Variants in PCDHGA3 observed in about 807,000 individuals in gnomAD.
PCDHGA3 encodes the protein protocadherin gamma subfamily A, 3, also known as protocadherin gamma-A3.
PCDHGA3 carries 40 observed loss-of-function variants against 58.5 expected under a neutral mutation model. The ratio of observed to expected loss-of-function variants is 0.68; its 90% confidence interval spans 0.53 to 0.89. The LOEUF is 0.89. PCDHGA3 is among the 40% of genes least tolerant of loss of function. PCDHGA3 has a pLI of 0.00. For missense variants in PCDHGA3, 1,223 were observed against 1,195.9 expected (o/e 1.02, Z -0.33); for synonymous variants, 530 against 525.7 (o/e 1.01, Z -0.11).
chr5:141,495,430 C>T (rs1189953474), intron 2 of PCDHGA3, among the ~76,000 whole-genome samples: 3 of 152,220 alleles, frequency 2.0e-5, no homozygotes, highest in Admixed American at 2.0e-4. Context: ...TCCCACTGTC[C>T]TCTGCCCCTA....
At chr5:141,399,798 G>C in intron 1 of PCDHGA3, 1 of 1,613,236 alleles carries the variant, frequency 6.2e-7, no homozygotes, top group Non-Finnish European at 8.5e-7. Flanking sequence ...ACGCACCGCG[G>C]GTGCTGTACC....
intron 1 of PCDHGA3, among the ~76,000 whole-genome samples, chr5:141,455,410 G>A (rs1332059386): frequency 6.6e-6 from 1 of 152,130 alleles, no homozygotes; most frequent in Non-Finnish European, 1.5e-5. Context: ...CAGAGACAGA[G>A]GGAGCGGGGC....
At chr5:141,357,087 A>C in intron 1 of PCDHGA3, 1 of 1,613,882 alleles carries the variant, frequency 6.2e-7, no homozygotes, top group Non-Finnish European at 8.5e-7. Flanking sequence ...TGCGCACCGC[A>C]CGGGCCCTGC....
At chr5:141,361,631 G>T (rs534427524) in intron 1 of PCDHGA3, 1 of 1,613,902 alleles carries the variant, frequency 6.2e-7, no homozygotes, top group Non-Finnish European at 8.5e-7. Context: ...CTGAAGCCGC[G>T]GGAGATTTTA....
chr5:141,389,990 C>CTCA (rs1156236363), intron 1 of PCDHGA3: 4 of 1,614,044 alleles, frequency 2.5e-6, no homozygotes, highest in Non-Finnish European at 2.5e-6. Flanking sequence ...TGCTCTTCCT[C>CTCA]GTGGCCATGA....
At chr5:141,413,151 T>C (rs1192899612) in intron 1 of PCDHGA3, 5 of 1,573,560 alleles carry the variant, frequency 3.2e-6, no homozygotes, top group South Asian at 1.2e-5. Context: ...GTGAGGACTT[T>C]GCAGAATTCT....
intron 1 of PCDHGA3, chr5:141,389,158 G>C (rs774342496): frequency 5.6e-6 from 9 of 1,613,968 alleles, no homozygotes; most frequent in Non-Finnish European, 7.6e-6. Context: ...GCAACAGATC[G>C]GGGCAAGCCT....
intron 1 of PCDHGA3, chr5:141,428,160 T>C (rs761366261): frequency 6.4e-7 from 1 of 1,572,286 alleles, no homozygotes; most frequent in Non-Finnish European, 8.7e-7. Context: ...AACCTGCTGG[T>C]TGCTGTGCGT....
chr5:141,398,505 T>A (rs1561664724), intron 1 of PCDHGA3: 7 of 1,598,768 alleles, frequency 4.4e-6, no homozygotes, highest in Non-Finnish European at 6.0e-6. Context: ...TCGAGGACAT[T>A]AATGACCACA....
At chr5:141,389,863 T>C in intron 1 of PCDHGA3, 1 of 1,614,064 alleles carries the variant, frequency 6.2e-7, no homozygotes, top group South Asian at 1.1e-5. Flanking sequence ...ACGTTGCACC[T>C]GGTCTTCGCC....
Position 141,351,002 on chromosome 5 carries a change from C to T in PCDHGA3, c.2424+4545C>T, listed in dbSNP as rs751094816. 6 of 1,614,084 alleles carry T rather than the reference C, an allele frequency of 3.7e-6. No individual in the cohort carries two copies. In the South Asian group the frequency reaches 6.6e-5, roughly 18 times the overall value. ...TAGCCAGGAGGTATACAGGGTTAGC[C>T]TCCAAGAAAACGTACCGTGGGGAAC... On this transcript the variant is annotated intron_variant, in intron 1 of 3. Transcript: ENST00000253812.
intron 1 of PCDHGA3, chr5:141,366,640 T>C (rs965483539): frequency 6.2e-7 from 1 of 1,614,186 alleles, no homozygotes; most frequent in Non-Finnish European, 8.5e-7. Context: ...ACCTGATCTT[T>C]CCCCAGCCCA....
Position 141,432,184 on chromosome 5 carries a change from C to T in PCDHGA3, c.2425-62623C>T, listed in dbSNP as rs774512372. 3.7e-6 allele frequency: 6 copies of T among 1,614,164 alleles called. No homozygotes were observed. The highest frequency in any genetic ancestry group is 2.2e-5 in the South Asian group (2 of 91,080). On this transcript the variant is annotated intron_variant, in intron 1 of 3. Transcript: ENST00000253812. The surrounding 1 kb of genome is among the most constrained non-coding windows in gnomAD (Gnocchi z 6.0). Reference sequence around the variant, plus strand: ...GAGGAGTTTCCCTCGTCTCTGTGACCGCCCACGACCCCGACTGTGAAGAGA... The same window carrying T: ...GAGGAGTTTCCCTCGTCTCTGTGACTGCCCACGACCCCGACTGTGAAGAGA...
At chr5:141,377,254 T>A (rs1332272982) in intron 1 of PCDHGA3, 1 of 149,056 alleles carries the variant, frequency 6.7e-6, no homozygotes, top group Non-Finnish European at 1.5e-5. Flanking sequence ...TGTAAGGTTC[T>A]TTCTTTTTCT....
At chr5:141,474,002 G>A (rs1020912365) in intron 1 of PCDHGA3, among the ~76,000 whole-genome samples, 5 of 152,078 alleles carry the variant, frequency 3.3e-5, no homozygotes, top group Non-Finnish European at 5.9e-5. Context: ...CCAAGGAGCT[G>A]GAAGTTACAG....
rs979093310 is a variant in PCDHGA3 at position 141,486,621 on chromosome 5, A to G, written c.2425-8186A>G. On this transcript the variant is annotated intron_variant, in intron 1 of 3. Transcript: ENST00000253812. This position sits in a 1 kb window ranked among gnomAD's most constrained non-coding sequence, Gnocchi z 5.0. The stretch of plus-strand genomic sequence containing the variant: ...TGCTCCCTTGCAGCCTCTGACCCAG[A>G]CTCTGGCTTGAATGCGCTTATCTCC... 6.2e-7 allele frequency: 1 copy of G among 1,613,388 alleles called. No individual in the cohort carries two copies. The highest frequency in any genetic ancestry group is 1.3e-5 in the African/African-American group (1 of 74,960).
intron 1 of PCDHGA3, chr5:141,427,653 G>A (rs1221862562): frequency 4.1e-6 from 3 of 725,570 alleles, no homozygotes; most frequent in Non-Finnish European, 4.9e-6. Flanking sequence ...CTCCTACGTG[G>A]TCCACGTGGC....
intron 1 of PCDHGA3, chr5:141,399,220 A>T: frequency 6.2e-7 from 1 of 1,613,966 alleles, no homozygotes; most frequent in East Asian, 2.2e-5. Flanking sequence ...AATTGCTTTG[A>T]TCAAAATACA....
At chr5:141,364,645 C>A (rs1036042236) in intron 1 of PCDHGA3, 1 of 1,614,078 alleles carries the variant, frequency 6.2e-7, no homozygotes, top group Non-Finnish European at 8.5e-7. Flanking sequence ...GTGTGGTGAA[C>A]TTTAACATCT....
Sources: allele counts gnomAD v4.1 joint callset (sites outside exome capture counted in the v4.1 genomes callset), GRCh38; gene constraint gnomAD v4.1.1; non-coding constraint Gnocchi (gnomAD v3.1); transcripts MANE v1.5; gene names NCBI Gene and HGNC (gene_info 2026-07-23, HGNC 2026-07-21).